MREG: variants seen among roughly 807,000 people sequenced by gnomAD.
The protein encoded by MREG is melanoregulin.
Under a neutral mutation model 28.5 loss-of-function variants are expected in MREG, and 31 were observed. The observed-to-expected ratio is 1.09, with a 90% CI of 0.82 to 1.47. The LOEUF (loss-of-function observed/expected upper bound fraction) is 1.47, where lower values mean the gene tolerates loss of function less well. Among genes scored for constraint, MREG ranks in the 40% most tolerant of loss-of-function variants. The pLI is 0.00. For missense variants in MREG, 256 were observed against 257.4 expected (o/e 0.99, Z 0.04); for synonymous variants, 106 against 95.2 (o/e 1.11, Z -0.66).
intron 2 of MREG, among the ~76,000 whole-genome samples, chr2:215,966,708 T>G (rs1002168550): frequency 6.6e-6 from 1 of 151,694 alleles, no homozygotes; most frequent in African/African-American, 2.4e-5. Flanking sequence ...TTCAAGCAAT[T>G]CTCCTGCCTC....
chr2:216,033,690 G>A (rs893086606), upstream of MREG: 3 of 152,540 alleles, frequency 2.0e-5, no homozygotes, highest in South Asian at 2.1e-4. Flanking sequence ...TACCTATCTT[G>A]GAGTGGGGAG....
chr2:216,005,733 G>A (rs1041959965), intron 1 of MREG, among the ~76,000 whole-genome samples: 2 of 151,338 alleles, frequency 1.3e-5, no homozygotes, highest in South Asian at 2.1e-4. Flanking sequence ...GATTACAGGT[G>A]TGAGCCAACC....
At chr2:215,945,059 G>GTTTT (rs1692285618) in intron 4 of MREG, 62 bp from the exon 5 acceptor site, 1 of 1,468,032 alleles carries the variant, frequency 6.8e-7, no homozygotes, top group Non-Finnish European at 9.2e-7. Flanking sequence ...ACATGTCGAT[G>GTTTT]GGAAAAAGCA....
chr2:215,949,075 CTACTACTACTACT>C (rs1692404785), intron 2 of MREG, among the ~76,000 whole-genome samples: 1 of 102,506 alleles, frequency 9.8e-6, no homozygotes, highest in Non-Finnish European at 2.1e-5. Context: ...ACTACTACTA[CTACTACTACTACT>C]AATAATAATA....
intron 2 of MREG, among the ~76,000 whole-genome samples, chr2:215,984,623 C>T (rs1210239291): frequency 2.7e-5 from 4 of 150,374 alleles, no homozygotes; most frequent in African/African-American, 9.9e-5. Flanking sequence ...TAGAAAGAGG[C>T]ACTAAAACAG....
intron 2 of MREG, among the ~76,000 whole-genome samples, chr2:215,989,231 G>A (rs1008483586): frequency 3.3e-5 from 5 of 152,196 alleles, no homozygotes; most frequent in African/African-American, 9.7e-5. Context: ...TACAGCCTCC[G>A]CTGGTGATAC....
rs1339135070 is a variant in MREG, at chr2:215,993,429, A to C, written c.255+2877T>G. On this transcript the variant is annotated intron_variant, in intron 2 of 4. Transcript: ENST00000263268. ...TTACACAAAAATTAACTCAAGATGG[A>C]TTAAAGACTTAAACATAAGACCTAA... Among the ~76,000 whole-genome samples the C allele has an allele frequency of 2.6e-5, 4 of 152,348 alleles. No individual in the cohort carries two copies. In the East Asian group the frequency reaches 7.7e-4, roughly 29 times the overall value.
intron 1 of MREG, among the ~76,000 whole-genome samples, chr2:216,010,332 A>G (rs1694264855): frequency 6.7e-6 from 1 of 150,110 alleles, no homozygotes; most frequent in Non-Finnish European, 1.5e-5. Context: ...TGGCTTCTAG[A>G]ACTGTGAAAG....
intron 4 of MREG, among the ~76,000 whole-genome samples, 170 bp from the exon 5 acceptor site, chr2:215,945,167 T>C (rs1574585886): frequency 6.6e-6 from 1 of 152,258 alleles, no homozygotes; most frequent in South Asian, 2.1e-4. Flanking sequence ...CTTAATCCTT[T>C]AGTTACATTA....
intron 2 of MREG, among the ~76,000 whole-genome samples, chr2:215,965,906 T>TGATC (rs1037376842): frequency 7.9e-5 from 12 of 152,198 alleles, no homozygotes; most frequent in Middle Eastern, 3.2e-3. Flanking sequence ...ATGAGAGGAA[T>TGATC]GATCTTTGCT....
At chr2:215,996,493 G>T (rs761230191) in intron 1 of MREG, 28 bp from the exon 2 acceptor site, 2 of 1,571,052 alleles carry the variant, frequency 1.3e-6, no homozygotes, top group South Asian at 1.1e-5. Context: ...GAAAGATTGG[G>T]GTTTTATAAT....
At chr2:215,953,145 C>T (rs554450130) in intron 2 of MREG, among the ~76,000 whole-genome samples, 28 of 152,308 alleles carry the variant, frequency 1.8e-4, no homozygotes, top group South Asian at 4.1e-4. Flanking sequence ...GCATGAACAC[C>T]GGGGCAGCTA....
chr2:215,996,613 T>C (rs529134258), intron 1 of MREG, 148 bp from the exon 2 acceptor site: 126 of 612,936 alleles, frequency 2.1e-4, no homozygotes, highest in Non-Finnish European at 3.0e-4. Flanking sequence ...TCTTTAATAA[T>C]TAAGCATAAC....
At chr2:215,998,040 C>T (rs1335846248) in intron 1 of MREG, among the ~76,000 whole-genome samples, 3 of 152,182 alleles carry the variant, frequency 2.0e-5, no homozygotes, top group Non-Finnish European at 4.4e-5. Context: ...CACGGTGGCT[C>T]ACGCCTGTGA....
chr2:216,005,582 G>A (rs1033220591), intron 1 of MREG, among the ~76,000 whole-genome samples: 2 of 150,132 alleles, frequency 1.3e-5, no homozygotes, highest in South Asian at 4.2e-4. Context: ...CTCCAGAGTA[G>A]CTGGGATTAT....
At chr2:216,010,083 C>T (rs1449109404) in intron 1 of MREG, among the ~76,000 whole-genome samples, 1 of 152,134 alleles carries the variant, frequency 6.6e-6, no homozygotes, top group East Asian at 1.9e-4. Context: ...ATGAAATCAT[C>T]CTAGGTTTTA....
In MREG at chr2:215,963,390, C is replaced by T. The variant is rs534260638; in HGVS notation, c.256-16277G>A. ...GATTGCAGTAGGCCGAGATCGTGAT[C>T]ATGCCACTGTACTCCAGCCTGAGTG... is the stretch of plus-strand genomic sequence containing the variant. On this transcript the variant is annotated intron_variant, in intron 2 of 4. Coordinates refer to ENST00000263268, the MANE Select transcript of MREG (RefSeq NM_018000.3). 1.5e-4 allele frequency among the ~76,000 whole-genome samples: 22 copies of T among 144,348 alleles called. No individual in the cohort carries two copies. In the South Asian group the frequency reaches 4.5e-3, roughly 29 times the overall value. 94.7% of individuals were successfully genotyped at this position (144,348 alleles called of 152,430 possible). A position where few individuals can be genotyped will look rare whatever the true frequency, so the allele number is the denominator to read the frequency against.
rs564779168 is a variant in MREG, at chr2:215,948,513, A to G, written c.256-1400T>C. 2.6e-5 allele frequency among the ~76,000 whole-genome samples: 4 copies of G among 152,340 alleles called. No homozygotes were observed. The South Asian group carries it at 8.3e-4, about 32-fold the overall frequency. The stretch of plus-strand genomic sequence containing the variant: ...AAGTTAACTAAGTCATATAAGAAAT[A>G]TGCAACCCTAGCCACATCTTTAGCA... On this transcript the variant is annotated intron_variant, in intron 2 of 4. Transcript: ENST00000263268.
upstream of MREG, among the ~76,000 whole-genome samples, chr2:216,015,323 T>C (rs1002257160): frequency 1.3e-5 from 2 of 151,922 alleles, no homozygotes; most frequent in African/African-American, 2.4e-5. Flanking sequence ...AGCCATGATA[T>C]CGCCAGGAAG....
Sources: gnomAD v4.1 joint callset for allele counts (sites outside exome capture counted in the v4.1 genomes callset) on GRCh38, gnomAD v4.1.1 for gene constraint, MANE v1.5 for transcripts, NCBI Gene and HGNC (gene_info 2026-07-23, HGNC 2026-07-21) for gene names.